Variants in PPP1R37 observed in about 807,000 individuals in gnomAD.
The protein encoded by PPP1R37 is protein phosphatase 1 regulatory subunit 37.
Under a neutral mutation model 61.0 loss-of-function variants are expected in PPP1R37, and 21 were observed. The observed-to-expected ratio is 0.34, with a 90% CI of 0.24 to 0.50. The LOEUF (loss-of-function observed/expected upper bound fraction) is 0.50. PPP1R37 is among the 20% of genes least tolerant of loss of function. The pLI is 0.98. For missense variants in PPP1R37, 910 were observed against 952.7 expected (o/e 0.96, Z 0.59); for synonymous variants, 443 against 433.5 (o/e 1.02, Z -0.27).
chr19:45,132,789 G>A (rs1195525223), intron 1 of PPP1R37, among the ~76,000 whole-genome samples: 1 of 151,666 alleles, frequency 6.6e-6, no homozygotes, highest in East Asian at 1.9e-4. Context: ...GGCTGGTCTC[G>A]AATTCCTGGG....
Position 45,093,242 on chromosome 19 carries a change from C to G in PPP1R37, c.-84C>G. 1 of 1,131,870 alleles carries G rather than the reference C, an allele frequency of 8.8e-7. No homozygotes were observed. Among genetic ancestry groups the G allele is most frequent in the Non-Finnish European group, 1.2e-6 (1 of 868,102 alleles). The allele number at this position is 1,131,870 out of a possible 1,614,324, so 70.1% of individuals were successfully genotyped here. ...CCTGAAGCGGCGGCGGAGCCCATGC[C>G]CCGGGACGGCGGGCGGACCCGGAGA... is the stretch of plus-strand genomic sequence containing the variant. On this transcript the variant is annotated 5_prime_UTR_variant, in exon 1 of 13. Transcript: ENST00000221462.
chr19:45,126,218 A>G (rs1968402798), intron 1 of PPP1R37, among the ~76,000 whole-genome samples: 1 of 152,196 alleles, frequency 6.6e-6, no homozygotes, highest in Non-Finnish European at 1.5e-5. Flanking sequence ...AACGATGGTG[A>G]TGGTGCCCCC....
intron 1 of PPP1R37, among the ~76,000 whole-genome samples, chr19:45,095,484 C>T (rs903361419): frequency 6.7e-6 from 1 of 149,034 alleles, no homozygotes; most frequent in Non-Finnish European, 1.5e-5. Context: ...ACTTTTGGGC[C>T]GGACGCCATG....
Position 45,145,082 on chromosome 19 carries a change from G to T in PPP1R37, c.1130-12G>T. 1 of 1,531,272 alleles carries T rather than the reference G, an allele frequency of 6.5e-7. No individual in the cohort carries two copies. The highest frequency in any genetic ancestry group is 1.2e-5 in the South Asian group (1 of 83,700). 94.9% of individuals were successfully genotyped at this position (1,531,272 alleles called of 1,614,324 possible). ...GTGGGGCCCGTGGCCAGCCCCTGCG[G>T]TGCCCCCCCAGGCGCGGTGGCGGTG... On this transcript the variant is annotated splice_polypyrimidine_tract_variant and intron_variant, in intron 9 of 12. Transcript: ENST00000221462.
chr19:45,127,352 C>CAAAAA (rs11295552), intron 1 of PPP1R37, among the ~76,000 whole-genome samples: 2 of 69,644 alleles, frequency 2.9e-5, no homozygotes, highest in Non-Finnish European at 5.7e-5. Context: ...AACTCCATCT[C>CAAAAA]AAAAAAAAAA....
At chr19:45,096,338 G>T (rs1967993085) in intron 1 of PPP1R37, among the ~76,000 whole-genome samples, 1 of 152,116 alleles carries the variant, frequency 6.6e-6, no homozygotes, top group Admixed American at 6.5e-5. Flanking sequence ...ATTGGGCTTT[G>T]GGGGGTAAAG....
In PPP1R37 at chr19:45,107,605, T is replaced by TA. The variant is rs1968148809; in HGVS notation, c.202+14084dup. 1.3e-5 allele frequency among the ~76,000 whole-genome samples: 2 copies of TA among 152,158 alleles called. 1 individual carries two copies. The highest frequency in any genetic ancestry group is 4.2e-4 in the South Asian group (2 of 4,814). The stretch of plus-strand genomic sequence containing the variant: ...GGTGAGACTCTGTCTCAAAAATAAA[T>TA]AAAAAATAAGTAAATGAATTGTTTG... On this transcript the variant is annotated intron_variant, in intron 1 of 12. Transcript: ENST00000221462.
At chr19:45,146,139 C>T (rs987332638) in intron 11 of PPP1R37, 90 bp downstream of exon 11, 4 of 1,345,546 alleles carry the variant, frequency 3.0e-6, no homozygotes, top group African/African-American at 2.9e-5. Context: ...CCTCAGTTTC[C>T]CCCTCTTTAA....
At chr19:45,116,101 C>G (rs1225983805) in intron 1 of PPP1R37, among the ~76,000 whole-genome samples, 1 of 152,216 alleles carries the variant, frequency 6.6e-6, no homozygotes, top group Non-Finnish European at 1.5e-5. Context: ...ACCTTACATG[C>G]AGCTGCTGTG....
At chr19:45,126,893 G>A (rs1008015542) in intron 1 of PPP1R37, among the ~76,000 whole-genome samples, 8 of 152,332 alleles carry the variant, frequency 5.3e-5, no homozygotes, top group African/African-American at 9.6e-5. Flanking sequence ...CCAGGAGCAC[G>A]GCCTGTGGCC....
chr19:45,114,621 C>A (rs975936827), intron 1 of PPP1R37, among the ~76,000 whole-genome samples: 2 of 152,118 alleles, frequency 1.3e-5, no homozygotes, highest in Non-Finnish European at 2.9e-5. Context: ...AAGGCCATGC[C>A]CTCACTAGGT....
Position 45,142,298 on chromosome 19 carries a change from C to T in PPP1R37, c.719-5C>T. On this transcript the variant is annotated splice_polypyrimidine_tract_variant and splice_region_variant and intron_variant, in intron 6 of 12. Coordinates refer to ENST00000221462, the MANE Select transcript of PPP1R37 (RefSeq NM_019121.2). ...CCAGTCACCGTGCCCCCTCCCCGTC[C>T]CCAGCCACGGCCCTGAAGATGAACA... The T allele has an allele frequency of 6.5e-7, 1 of 1,535,874 alleles. No individual in the cohort carries two copies. Among genetic ancestry groups the T allele is most frequent in the South Asian group, 1.2e-5 (1 of 84,046 alleles).
At chr19:45,120,605 G>A (rs1341530830) in intron 1 of PPP1R37, among the ~76,000 whole-genome samples, 2 of 152,132 alleles carry the variant, frequency 1.3e-5, no homozygotes, top group Non-Finnish European at 2.9e-5. Context: ...CTCCAGGTGT[G>A]TAATTGCTAA....
At chr19:45,119,891 A>G (rs1309045285) in intron 1 of PPP1R37, among the ~76,000 whole-genome samples, 3 of 152,166 alleles carry the variant, frequency 2.0e-5, no homozygotes, top group African/African-American at 7.2e-5. Flanking sequence ...AGGGGCTGCC[A>G]GGAAGCCCGG....
Position 45,113,901 on chromosome 19 carries a change from T to C in PPP1R37, c.202+20374T>C, listed in dbSNP as rs1000599984. Among the ~76,000 whole-genome samples, 9 of 152,194 alleles carry C rather than the reference T, an allele frequency of 5.9e-5. No homozygotes were observed. In the South Asian group the frequency reaches 1.9e-3, roughly 32 times the overall value. ...CAGCGTTTCAGAGCCCGGGGGCAGG[T>C]GGAGGCAGCAGGTGGGGTGGTGACT... On this transcript the variant is annotated intron_variant, in intron 1 of 12. Transcript: ENST00000221462.
In PPP1R37 at chr19:45,146,523, G is replaced by C. The variant is rs549240205; in HGVS notation, c.*8+43G>C. 880 of 1,382,948 alleles carry C rather than the reference G, an allele frequency of 6.4e-4. 4 individuals are homozygous for C. The African/African-American group carries it at 0.011, about 17-fold the overall frequency. 85.7% of individuals were successfully genotyped at this position (1,382,948 alleles called of 1,614,324 possible). A position where few individuals can be genotyped will look rare whatever the true frequency, so the allele number is the denominator to read the frequency against. ...GCCCACAGCACTCGGGAGGAGCTGA[G>C]AGAGCCTCTGGCTCTGACAGTCTCT... On this transcript the variant is annotated intron_variant, in intron 12 of 12. Coordinates refer to ENST00000221462, the MANE Select transcript of PPP1R37 (RefSeq NM_019121.2).
At chr19:45,133,840 G>A (rs1167816701) in intron 1 of PPP1R37, among the ~76,000 whole-genome samples, 1 of 152,158 alleles carries the variant, frequency 6.6e-6, no homozygotes, top group Non-Finnish European at 1.5e-5. Flanking sequence ...GAGTCAGATG[G>A]GTCCAAGCTG....
rs1303137470 is a variant in PPP1R37, at chr19:45,146,067, G to T, written c.1993+18G>T. 9.3e-6 allele frequency: 14 copies of T among 1,513,398 alleles called. No homozygotes were observed. Among genetic ancestry groups the T allele is most frequent in the South Asian group, 4.9e-5 (4 of 81,572 alleles). The allele number at this position is 1,513,398 out of a possible 1,614,324, so 93.7% of individuals were successfully genotyped here. A position where few individuals can be genotyped will look rare whatever the true frequency, so the allele number is the denominator to read the frequency against. Reference sequence around the variant, plus strand: ...GGAGCACGGTGAGAGGGGCCCTAGGGCAGGTGTTGAGGGGCCCTGGGTGCT... The same window carrying T: ...GGAGCACGGTGAGAGGGGCCCTAGGTCAGGTGTTGAGGGGCCCTGGGTGCT... On this transcript the variant is annotated intron_variant, in intron 11 of 12. Transcript: ENST00000221462.
intron 1 of PPP1R37, among the ~76,000 whole-genome samples, chr19:45,103,850 G>A (rs1463954835): frequency 2.0e-5 from 3 of 152,172 alleles, no homozygotes; most frequent in African/African-American, 7.2e-5. Flanking sequence ...TAGTAGAGGA[G>A]GAGCTGAGTT....
Sources: gnomAD v4.1 joint callset for allele counts (sites outside exome capture counted in the v4.1 genomes callset) on GRCh38, gnomAD v4.1.1 for gene constraint, MANE v1.5 for transcripts, NCBI Gene and HGNC (gene_info 2026-07-23, HGNC 2026-07-21) for gene names.